TMC3: variants seen among roughly 807,000 people sequenced by gnomAD.
TMC3 encodes transmembrane channel-like protein 3.
TMC3 carries 98 observed loss-of-function variants against 110.6 expected under a neutral mutation model. The observed-to-expected ratio is 0.89, with a 90% CI of 0.75 to 1.05. TMC3 has a LOEUF of 1.05. TMC3 is among the 50% of genes least tolerant of loss of function. TMC3 has a pLI of 0.00. For synonymous variants in TMC3, 489 were observed against 513.1 expected (o/e 0.95, Z 0.63); for missense variants, 1,319 against 1,373.2 (o/e 0.96, Z 0.62).
In TMC3 at chr15:81,337,265, C is replaced by T. The variant is rs369281992; in HGVS notation, c.2160+581G>A. On this transcript the variant is annotated intron_variant, in intron 19 of 21. Transcript: ENST00000359440. ...GCCTCATCCCAGTCTTGGGATCCTT[C>T]CTTGGGGTCTGGAGGACCCAGGGCA... Among the ~76,000 whole-genome samples, 12 of 152,160 alleles carry T rather than the reference C, an allele frequency of 7.9e-5. No homozygotes were observed. The East Asian group carries it at 1.9e-3, about 25-fold the overall frequency.
chr15:81,349,068 T>A (rs1323850294), intron 11 of TMC3, among the ~76,000 whole-genome samples: 1 of 152,108 alleles, frequency 6.6e-6, no homozygotes, highest in Non-Finnish European at 1.5e-5. Context: ...CGACCTCAGG[T>A]GATCCACCCG....
At chr15:81,351,279 A>G (rs1351144658) in intron 10 of TMC3, among the ~76,000 whole-genome samples, 1 of 151,734 alleles carries the variant, frequency 6.6e-6, no homozygotes, top group Non-Finnish European at 1.5e-5. Flanking sequence ...GTTTTTTCCT[A>G]GAGATATTCC....
At chr15:81,347,782 C>G (rs78796036) in intron 11 of TMC3, among the ~76,000 whole-genome samples, 5,077 of 152,264 alleles carry the variant, frequency 0.033, 134 homozygotes, top group East Asian at 0.15. Context: ...GCCTTTAGAC[C>G]AAATGCAATA....
At chr15:81,338,147 C>T (rs997225274) in intron 18 of TMC3, among the ~76,000 whole-genome samples, 6 of 152,280 alleles carry the variant, frequency 3.9e-5, no homozygotes, top group East Asian at 1.9e-4. Context: ...CCACAGCACC[C>T]TCGTTGACCT....
At chr15:81,364,501 G>T (rs1894260919) in intron 3 of TMC3, among the ~76,000 whole-genome samples, 1 of 137,314 alleles carries the variant, frequency 7.3e-6, no homozygotes, top group African/African-American at 2.7e-5. Flanking sequence ...ATGGACACAG[G>T]AAGGGGAATA....
intron 4 of TMC3, among the ~76,000 whole-genome samples, 187 bp from the exon 5 acceptor site, chr15:81,359,658 A>T (rs74763285): frequency 6.6e-6 from 1 of 152,010 alleles, no homozygotes; most frequent in African/African-American, 2.4e-5. Context: ...CTGAATATCT[A>T]TCAGTTCTAT....
chr15:81,344,582 G>A (rs894575056), intron 13 of TMC3, among the ~76,000 whole-genome samples, 184 bp downstream of exon 13: 7 of 152,138 alleles, frequency 4.6e-5, no homozygotes, highest in Admixed American at 1.3e-4. Context: ...CCCAGCATGC[G>A]GTCAATATTG....
chr15:81,351,876 G>C, intron 9 of TMC3, 35 bp from the exon 10 acceptor site: 1 of 1,607,796 alleles, frequency 6.2e-7, no homozygotes, highest in South Asian at 1.1e-5. Flanking sequence ...ACGGTACACA[G>C]GGTCCTGCTC....
intron 15 of TMC3, among the ~76,000 whole-genome samples, chr15:81,342,449 G>A (rs533733004): frequency 1.4e-4 from 21 of 152,176 alleles, no homozygotes; most frequent in South Asian, 4.1e-4. Flanking sequence ...TTTACTATAA[G>A]GATTAAATCA....
Position 81,349,119 on chromosome 15 carries a change from C to G in TMC3, c.1193+339G>C, listed in dbSNP as rs943271873. On this transcript the variant is annotated intron_variant, in intron 11 of 21. Coordinates refer to ENST00000359440, the MANE Select transcript of TMC3 (RefSeq NM_001080532.3). ...GTACTGGGATTACAGGCGTGAGCCA[C>G]CACGCCCGACCCTTGGTTCCCTTTT... Among the ~76,000 whole-genome samples, 12 of 152,196 alleles carry G rather than the reference C, an allele frequency of 7.9e-5. 1 individual carries two copies. The highest frequency in any genetic ancestry group is 5.9e-4 in the Admixed American group (9 of 15,278).
intron 16 of TMC3, among the ~76,000 whole-genome samples, chr15:81,341,042 T>C (rs539963984): frequency 1.3e-5 from 2 of 152,242 alleles, no homozygotes; most frequent in Non-Finnish European, 1.5e-5. Flanking sequence ...CAAGTGGGCA[T>C]GCTCTGGTTG....
intron 17 of TMC3, 23 bp downstream of exon 17, chr15:81,339,371 G>A: frequency 6.5e-7 from 1 of 1,536,314 alleles, no homozygotes; most frequent in Non-Finnish European, 8.9e-7. Flanking sequence ...GTCACTCCGG[G>A]CAGAGCTGGG....
intron 2 of TMC3, among the ~76,000 whole-genome samples, chr15:81,371,755 T>A (rs1380998634): frequency 6.6e-6 from 1 of 152,232 alleles, no homozygotes. Context: ...TGTGCAAAAG[T>A]ATCAACCTGA....
Position 81,339,483 on chromosome 15 carries a change from T to G in TMC3, c.1866A>C (p.Ala622=). 1 of 1,605,066 alleles carries G rather than the reference T, an allele frequency of 6.2e-7. No individual in the cohort carries two copies. The highest frequency in any genetic ancestry group is 8.5e-7 in the Non-Finnish European group (1 of 1,175,556). Residue 622 remains alanine (A), a synonymous_variant, in exon 17 of 22, where the codon GCA becomes GCC. Coordinates refer to ENST00000359440, the MANE Select transcript of TMC3 (RefSeq NM_001080532.3). ...ACAGAAACAGCATAAACAGGAGCAT[T>G]GCCAAGTAGAAGTTGTTGGATCTGC... ...RASRSNNFYL[A]MLLFMLFLCM...
At chr15:81,338,567 T>G in intron 18 of TMC3, 88 bp downstream of exon 18, 1 of 1,553,292 alleles carries the variant, frequency 6.4e-7, no homozygotes, top group East Asian at 2.3e-5. Flanking sequence ...AATGAACTAA[T>G]AAATTTTATG....
intron 13 of TMC3, 78 bp downstream of exon 13, chr15:81,344,688 C>A: frequency 1.4e-6 from 2 of 1,382,854 alleles, no homozygotes; most frequent in South Asian, 1.3e-5. Context: ...AACATAGGGG[C>A]AGTGACAGCT....
In TMC3 at chr15:81,332,262, C is replaced by G; in HGVS notation, c.*157G>C. 9.0e-7 allele frequency: 1 copy of G among 1,106,312 alleles called. No homozygotes were observed. The highest frequency in any genetic ancestry group is 1.2e-6 in the Non-Finnish European group (1 of 802,028). 68.5% of individuals were successfully genotyped at this position (1,106,312 alleles called of 1,614,324 possible). On this transcript the variant is annotated 3_prime_UTR_variant, in exon 22 of 22. Transcript: ENST00000359440. ...GTAGCTGTAGAATAGGTATCTGTAGCCCTGTCAGCCTCAGGGCCTCAGCTA... is the reference window on the plus strand; with the variant it reads ...GTAGCTGTAGAATAGGTATCTGTAGGCCTGTCAGCCTCAGGGCCTCAGCTA...
At chr15:81,348,356 C>T (rs1893869404) in intron 11 of TMC3, among the ~76,000 whole-genome samples, 1 of 152,178 alleles carries the variant, frequency 6.6e-6, no homozygotes, top group Non-Finnish European at 1.5e-5. Context: ...GCTCTCACTG[C>T]CTCCCTCTGC....
At chr15:81,333,314 C>G in intron 21 of TMC3, 52 bp from the exon 22 acceptor site, 1 of 1,558,616 alleles carries the variant, frequency 6.4e-7, no homozygotes, top group Non-Finnish European at 8.7e-7. Flanking sequence ...CTCAGAGCCC[C>G]ACACCTGAGG....
Sources: gnomAD v4.1 joint callset for allele counts (sites outside exome capture counted in the v4.1 genomes callset) on GRCh38, gnomAD v4.1.1 for gene constraint, MANE v1.5 for transcripts, NCBI Gene and HGNC (gene_info 2026-07-23, HGNC 2026-07-21) for gene names.